Variants in SENP6 observed in about 807,000 individuals in gnomAD.
SENP6 encodes sentrin-specific protease 6.
In SENP6, 41 loss-of-function variants were observed where a neutral mutation model predicts 134.5. The ratio of observed to expected loss-of-function variants is 0.30; its 90% CI spans 0.24 to 0.40. SENP6 has a LOEUF of 0.40. SENP6 is among the 10% of genes least tolerant of loss of function. SENP6 has a pLI of 1.00. For missense variants in SENP6, 1,248 were observed against 1,312.5 expected, an observed-to-expected ratio of 0.95 and a Z score of 0.76; for synonymous variants, 395 against 429.8, an observed-to-expected ratio of 0.92 and a Z score of 1.00.
chr6:75,701,633 C>CTTTTTTTTT (rs60715314), intron 18 of SENP6, among the ~76,000 whole-genome samples: 5 of 80,114 alleles, frequency 6.2e-5, no homozygotes, highest in African/African-American at 9.9e-5. Flanking sequence ...ACAGTTTAAT[C>CTTTTTTTTT]TTTTTTTTTT....
At chr6:75,685,824 C>T (rs1254700088) in intron 16 of SENP6, among the ~76,000 whole-genome samples, 2 of 152,096 alleles carry the variant, frequency 1.3e-5, no homozygotes, top group Non-Finnish European at 1.5e-5. Flanking sequence ...ATTATGTGGT[C>T]AATTTTTGAA....
rs186145775 is a variant in SENP6, at chr6:75,716,112, G to A, written c.*518G>A. 2.5e-4 allele frequency: 38 copies of A among 152,170 alleles called. No homozygotes were observed. The highest frequency in any genetic ancestry group is 9.2e-4 in the African/African-American group (38 of 41,524). The allele number at this position is 152,170 out of a possible 1,614,324, so 9.4% of individuals were successfully genotyped here. A position where few individuals can be genotyped will look rare whatever the true frequency, so the allele number is the denominator to read the frequency against. On this transcript the variant is annotated 3_prime_UTR_variant, in exon 24 of 24. Coordinates refer to ENST00000447266, the MANE Select transcript of SENP6 (RefSeq NM_015571.4). Reference sequence around the variant, plus strand: ...CTTGTGTAACAGGAACAAAGTAACAGCCTTTCAATTCATATACTGCCTTGT... The same window carrying A: ...CTTGTGTAACAGGAACAAAGTAACAACCTTTCAATTCATATACTGCCTTGT...
intron 13 of SENP6, 28 bp from the exon 14 acceptor site, chr6:75,677,002 T>C (rs1406855012): frequency 1.1e-5 from 12 of 1,112,114 alleles, no homozygotes; most frequent in Non-Finnish European, 1.6e-5. Context: ...TTGTGTTTTT[T>C]TTTGGACTTA....
At chr6:75,704,341 T>C (rs1164321462) in intron 19 of SENP6, among the ~76,000 whole-genome samples, 1 of 152,150 alleles carries the variant, frequency 6.6e-6, no homozygotes, top group Non-Finnish European at 1.5e-5. Context: ...CAAGAAAACA[T>C]GTGAGCAAAG....
chr6:75,675,999 A>G lies in SENP6; in HGVS notation c.1566A>G (p.Gln522=), dbSNP rs775068973. 8.1e-6 allele frequency: 13 copies of G among 1,611,842 alleles called. No individual in the cohort carries two copies. The highest frequency in any genetic ancestry group is 3.4e-5 in the Admixed American group (2 of 59,604). ...ATCAAAAGCTGAGCATCCAACTGCA[A>G]ATGAATAAGGAGGATAAAGTTTGGA... is the stretch of plus-strand genomic sequence containing the variant. ...AVYQKLSIQL[Q]MNKEDKVWND... Residue 522 remains glutamine, a synonymous_variant, in exon 13 of 24, where the codon CAA becomes CAG. Transcript: ENST00000447266.
chr6:75,603,905 T>A (rs189026278), intron 1 of SENP6, among the ~76,000 whole-genome samples: 1 of 152,330 alleles, frequency 6.6e-6, no homozygotes, highest in Non-Finnish European at 1.5e-5. Flanking sequence ...GAAAAGCTTC[T>A]GAGTTTTTCT....
intron 16 of SENP6, among the ~76,000 whole-genome samples, chr6:75,683,611 A>C (rs557870062): frequency 2.0e-5 from 3 of 152,208 alleles, no homozygotes; most frequent in Admixed American, 6.5e-5. Flanking sequence ...AGCTTTCTAC[A>C]TATGGCTAGC....
intron 13 of SENP6, chr6:75,676,562 T>C (rs971492248): frequency 6.4e-6 from 1 of 156,402 alleles, no homozygotes; most frequent in Non-Finnish European, 1.4e-5. Context: ...CAGCAGTAAT[T>C]GCTGCTTCAG....
chr6:75,686,463 A>G (rs1422728286), intron 16 of SENP6, among the ~76,000 whole-genome samples: 3 of 152,134 alleles, frequency 2.0e-5, no homozygotes, highest in Non-Finnish European at 4.4e-5. Context: ...TATTTTGCCC[A>G]TTAATTGATG....
At chr6:75,708,983 GCAA>G (rs372058034) in intron 19 of SENP6, among the ~76,000 whole-genome samples, 166 of 152,242 alleles carry the variant, frequency 1.1e-3, no homozygotes, top group African/African-American at 3.8e-3. Flanking sequence ...GCTTCTTTCA[GCAA>G]AATAGTTGCT....
intron 1 of SENP6, among the ~76,000 whole-genome samples, chr6:75,607,423 A>G (rs545007648): frequency 1.2e-4 from 19 of 152,216 alleles, no homozygotes; most frequent in Non-Finnish European, 2.9e-5. Context: ...GCTTGTTCCT[A>G]TAAACTTTCT....
chr6:75,617,150 A>C (rs1767909911), intron 1 of SENP6, among the ~76,000 whole-genome samples: 1 of 151,130 alleles, frequency 6.6e-6, no homozygotes, highest in African/African-American at 2.4e-5. Flanking sequence ...AAATGCTTAG[A>C]TTACAGGCAT....
intron 9 of SENP6, among the ~76,000 whole-genome samples, chr6:75,666,139 GATATATATAAAACATATATGAT>G (rs1772201164): frequency 4.2e-5 from 5 of 119,330 alleles, no homozygotes; most frequent in Admixed American, 3.1e-4. Flanking sequence ...ACGTATATAT[GATATATATAAAACATATATGAT>G]ATATATATAA....
chr6:75,671,771 G>T (rs1016831412), intron 11 of SENP6, among the ~76,000 whole-genome samples: 1 of 151,980 alleles, frequency 6.6e-6, no homozygotes, highest in African/African-American at 2.4e-5. Flanking sequence ...AAGTTGTAAG[G>T]TATTTTATTA....
At chr6:75,653,659 T>TA (rs1170755497) in intron 7 of SENP6, among the ~76,000 whole-genome samples, 1 of 106,370 alleles carries the variant, frequency 9.4e-6, no homozygotes, top group Non-Finnish European at 2.0e-5. Context: ...TGGAATGTTG[T>TA]GTTTTTTTTT....
chr6:75,700,560 C>T (rs536733195), intron 18 of SENP6, among the ~76,000 whole-genome samples: 14 of 152,280 alleles, frequency 9.2e-5, no homozygotes, highest in African/African-American at 3.1e-4. Flanking sequence ...CATCTCGGCT[C>T]ACTGCAATCT....
rs543045474 is a variant in SENP6, at chr6:75,656,180, C to T, written c.551-3082C>T. On this transcript the variant is annotated intron_variant, in intron 7 of 23. Coordinates refer to ENST00000447266, the MANE Select transcript of SENP6 (RefSeq NM_015571.4). ...AGTGAGCCGAGATTGCGCCACTGCA[C>T]TCCAGCCTGGGCGACAGAGCAAGAC... Among the ~76,000 whole-genome samples the T allele has an allele frequency of 3.4e-5, 5 of 148,322 alleles. No homozygotes were observed. In the South Asian group the frequency reaches 1.1e-3, roughly 32 times the overall value.
At chr6:75,713,349 G>T (rs973399623) in intron 21 of SENP6, among the ~76,000 whole-genome samples, 164 bp from the exon 22 acceptor site, 1 of 152,026 alleles carries the variant, frequency 6.6e-6, no homozygotes, top group African/African-American at 2.4e-5. Flanking sequence ...TATAAGGTTC[G>T]TATGTGTCTA....
chr6:75,676,772 C>T (rs146911771), intron 13 of SENP6: 27 of 292,726 alleles, frequency 9.2e-5, no homozygotes, highest in African/African-American at 3.7e-4. Context: ...TAGTTACATA[C>T]GTGAATAGAT....
Sources: gnomAD v4.1 joint callset for allele counts (sites outside exome capture counted in the v4.1 genomes callset) on GRCh38, gnomAD v4.1.1 for gene constraint, MANE v1.5 for transcripts, NCBI Gene and HGNC (gene_info 2026-07-23, HGNC 2026-07-21) for gene names.